Variants in BRSK1 observed in about 807,000 individuals in gnomAD.
BRSK1 encodes the protein serine/threonine-protein kinase BRSK1.
BRSK1 carries 17 observed loss-of-function variants against 86.2 expected under a neutral mutation model. The observed-to-expected ratio is 0.20, with a 90% confidence interval of 0.14 to 0.30. The LOEUF (loss-of-function observed/expected upper bound fraction) is 0.30. Among genes scored for constraint, BRSK1 ranks in the 10% least tolerant of loss-of-function variants. BRSK1 has a pLI of 1.00. For missense variants in BRSK1, 719 were observed against 1,071.9 expected (o/e 0.67, Z 4.60); for synonymous variants, 464 against 440.1 (o/e 1.05, Z -0.68).
intron 7 of BRSK1, among the ~76,000 whole-genome samples, chr19:55,298,227 T>C (rs1381480971): frequency 6.9e-6 from 1 of 144,582 alleles, no homozygotes; most frequent in Non-Finnish European, 1.5e-5. Context: ...TTTTTTTTTT[T>C]TTTTTTTTGA....
chr19:55,309,071 T>C (rs2088723058), intron 18 of BRSK1, among the ~76,000 whole-genome samples: 1 of 151,898 alleles, frequency 6.6e-6, no homozygotes, highest in African/African-American at 2.4e-5. Context: ...TCAGGGAACA[T>C]CCTGCCAACA....
In BRSK1 at chr19:55,304,705, C is replaced by A; in HGVS notation, c.1502C>A (p.Pro501His). 6.7e-7 allele frequency: 1 copy of A among 1,496,392 alleles called. No homozygotes were observed. The highest frequency in any genetic ancestry group is 8.9e-7 in the Non-Finnish European group (1 of 1,129,486). The allele number at this position is 1,496,392 out of a possible 1,614,324, so 92.7% of individuals were successfully genotyped here. A position where few individuals can be genotyped will look rare whatever the true frequency, so the allele number is the denominator to read the frequency against. ...QPPPPSARST[P>H]LPGPPGSPRS... ...CCGCCCCCCAGTGCCCGCTCCACACCCCTGCCCGGCCCCCCAGGCTCCCCG... is the reference window on the plus strand; with the variant it reads ...CCGCCCCCCAGTGCCCGCTCCACACACCTGCCCGGCCCCCCAGGCTCCCCG... The change falls in exon 14 of 19, where the codon CCC (proline) becomes CAC (histidine). Residue 501 changes from proline (P) to histidine (H), a missense_variant. Transcript: ENST00000309383. The surrounding 1 kb of genome is among the most constrained non-coding windows in gnomAD (Gnocchi z 5.2).
intron 17 of BRSK1, among the ~76,000 whole-genome samples, chr19:55,307,761 CA>C: frequency 1.5e-5 from 2 of 137,592 alleles, no homozygotes; most frequent in Non-Finnish European, 3.1e-5. Flanking sequence ...CACACACACA[CA>C]CACACACACA....
At position 55,306,363 on chromosome 19, in the gene BRSK1, A is replaced by G. The variant is rs1197783226; in HGVS notation, c.2002A>G (p.Ser668Gly). 1 of 1,614,016 alleles carries G rather than the reference A, an allele frequency of 6.2e-7. No homozygotes were observed. Among genetic ancestry groups the G allele is most frequent in the Admixed American group, 1.7e-5 (1 of 60,020 alleles). Residue 668 changes from serine to glycine, a missense_variant, in exon 17 of 19, where the codon AGC becomes GGC. By Grantham distance (56) the Ser-to-Gly change is moderately conservative. This residue lies in a region of BRSK1 where 180 missense variants were observed against 259.4 expected (regional missense o/e 0.69). Coordinates refer to ENST00000309383, the MANE Select transcript of BRSK1 (RefSeq NM_032430.2). The surrounding 1 kb of genome is among the most constrained non-coding windows in gnomAD (Gnocchi z 4.7). ...GCCCGTCCGCTTCCAGGTGGACATC[A>G]GCTCCTCTGAGGGTCCAGAGCCCTC... Reference protein sequence around the residue: ...QKPVRFQVDISSSEGPEPSPR... With the variant: ...QKPVRFQVDIGSSEGPEPSPR...
Position 55,302,265 on chromosome 19 carries a change from C to G in BRSK1, c.857+97C>G, listed in dbSNP as rs2088582729. ...TGGGAGGGGTGGGATGCCAGGGTTC[C>G]TGAGAGGCAACGGGCTAGGGACTCG... On this transcript the variant is annotated intron_variant, in intron 9 of 18. Coordinates refer to ENST00000309383, the MANE Select transcript of BRSK1 (RefSeq NM_032430.2). The surrounding 1 kb of genome is among the most constrained non-coding windows in gnomAD (Gnocchi z 6.3). 14 of 1,426,222 alleles carry G rather than the reference C, an allele frequency of 9.8e-6. No homozygotes were observed. Among genetic ancestry groups the G allele is most frequent in the Non-Finnish European group, 1.4e-5 (14 of 1,010,016 alleles). The allele number at this position is 1,426,222 out of a possible 1,614,324, so 88.3% of individuals were successfully genotyped here. A position where few individuals can be genotyped will look rare whatever the true frequency, so the allele number is the denominator to read the frequency against.
Position 55,303,066 on chromosome 19 carries a change from A to T in BRSK1, c.1028+199A>T. The T allele has an allele frequency of 1.5e-6, 1 of 671,564 alleles. No individual in the cohort carries two copies. The allele number at this position is 671,564 out of a possible 1,614,324, so 41.6% of individuals were successfully genotyped here. ...AAAGTATTAATAGATGCTGCGACAT[A>T]GTACTTACATATACATAGTACTTAC... is the stretch of plus-strand genomic sequence containing the variant. On this transcript the variant is annotated intron_variant, in intron 10 of 18. Transcript: ENST00000309383. The surrounding 1 kb of genome is among the most constrained non-coding windows in gnomAD (Gnocchi z 5.1).
In BRSK1 at chr19:55,284,158, A is replaced by G; in HGVS notation, c.-285A>G. The stretch of plus-strand genomic sequence containing the variant: ...AGACCCCCCCGGCGGGGGGAGGCGC[A>G]GGAAGCGGGGGGCCGGCCAGAAACG... On this transcript the variant is annotated 5_prime_UTR_variant, in exon 1 of 19. Transcript: ENST00000309383. The G allele has an allele frequency of 1.0e-6, 1 of 958,760 alleles. No individual in the cohort carries two copies. Among genetic ancestry groups the G allele is most frequent in the Non-Finnish European group, 1.3e-6 (1 of 749,958 alleles). 59.4% of individuals were successfully genotyped at this position (958,760 alleles called of 1,614,324 possible).
rs1029573580 is a variant in BRSK1, at chr19:55,302,310, A to G, written c.857+142A>G. ...GACTCGGACTTATGGGTCCTGGGGG[A>G]AGAGGACACAGCTAGAGAAGGAGTC... On this transcript the variant is annotated intron_variant, in intron 9 of 18. Coordinates refer to ENST00000309383, the MANE Select transcript of BRSK1 (RefSeq NM_032430.2). The surrounding 1 kb of genome is among the most constrained non-coding windows in gnomAD (Gnocchi z 6.3). 2.1e-6 allele frequency: 2 copies of G among 952,204 alleles called. No individual in the cohort carries two copies. The highest frequency in any genetic ancestry group is 3.4e-6 in the Non-Finnish European group (2 of 586,372). The allele number at this position is 952,204 out of a possible 1,614,324, so 59.0% of individuals were successfully genotyped here.
chr19:55,305,581 C>T lies in BRSK1; in HGVS notation c.1885C>T (p.Leu629=), dbSNP rs2088637937. 1 of 1,614,006 alleles carries T rather than the reference C, an allele frequency of 6.2e-7. No individual in the cohort carries two copies. Among genetic ancestry groups the T allele is most frequent in the Non-Finnish European group, 8.5e-7 (1 of 1,180,028 alleles). ...SIKADIVHAF[L]SIPSLSHSVL... is the part of the protein sequence containing the mutation. The stretch of plus-strand genomic sequence containing the variant: ...CAAAGCAGACATCGTCCATGCCTTT[C>T]TGTCGGTGAGGGGCCTGGGTCCCCA... The change falls in exon 16 of 19, where the codon CTG becomes TTG. Residue 629 remains leucine, a synonymous_variant. Transcript: ENST00000309383.
intron 1 of BRSK1, among the ~76,000 whole-genome samples, chr19:55,284,926 C>T (rs1481469923): frequency 3.0e-5 from 4 of 133,836 alleles, no homozygotes; most frequent in Non-Finnish European, 4.7e-5. Flanking sequence ...GGAGGAGGGG[C>T]TGTGCTTGGA....
At chr19:55,299,227 A>T (rs2122966616) in intron 7 of BRSK1, among the ~76,000 whole-genome samples, 1 of 152,306 alleles carries the variant, frequency 6.6e-6, no homozygotes, top group South Asian at 2.1e-4. Context: ...CAAAAATGTG[A>T]CGAGAGGGTC....
chr19:55,295,135 T>G (rs2088466914), intron 7 of BRSK1, among the ~76,000 whole-genome samples: 1 of 149,744 alleles, frequency 6.7e-6, no homozygotes, highest in African/African-American at 2.5e-5. Context: ...TTTATTTTTA[T>G]TTTTTGAGAG....
intron 7 of BRSK1, among the ~76,000 whole-genome samples, chr19:55,299,692 TATA>T (rs1402638198): frequency 2.6e-5 from 4 of 152,090 alleles, no homozygotes; most frequent in African/African-American, 7.2e-5. Flanking sequence ...AGCCTGTTGT[TATA>T]ATATTTAATC....
Position 55,303,116 on chromosome 19 carries a change from G to C in BRSK1, c.1029-195G>C, listed in dbSNP as rs1012613174. The C allele has an allele frequency of 1.3e-5, 8 of 629,732 alleles. No homozygotes were observed. The highest frequency in any genetic ancestry group is 2.2e-5 in the Non-Finnish European group (8 of 364,062). The allele number at this position is 629,732 out of a possible 1,614,324, so 39.0% of individuals were successfully genotyped here. ...CAAATAGTTCTTGCCTGGATGTTAG[G>C]TGTTACAGTGTTATTATAATTGAGT... is the stretch of plus-strand genomic sequence containing the variant. On this transcript the variant is annotated intron_variant, in intron 10 of 18. Transcript: ENST00000309383. The surrounding 1 kb of genome is among the most constrained non-coding windows in gnomAD (Gnocchi z 5.1).
chr19:55,301,544 C>A lies in BRSK1; in HGVS notation c.711C>A (p.Arg237=), dbSNP rs1267605007. ...TGCCCTTTGATGACGACAACCTCCG[C>A]CAGCTGCTGGAGAAGGTGAAACGGG... ...GALPFDDDNL[R]QLLEKVKRGV... is the part of the protein sequence containing the mutation. The change falls in exon 8 of 19, where the codon CGC becomes CGA. Residue 237 remains arginine, a synonymous_variant. Coordinates refer to ENST00000309383, the MANE Select transcript of BRSK1 (RefSeq NM_032430.2). The A allele has an allele frequency of 6.2e-7, 1 of 1,613,966 alleles. No individual in the cohort carries two copies. The highest frequency in any genetic ancestry group is 1.7e-5 in the Admixed American group (1 of 59,984).
Position 55,294,253 on chromosome 19 carries a change from T to C in BRSK1, c.609+6T>C. On this transcript the variant is annotated splice_donor_region_variant and intron_variant, in intron 6 of 18. Transcript: ENST00000309383. The surrounding 1 kb of genome is among the most constrained non-coding windows in gnomAD (Gnocchi z 4.9). Reference sequence around the variant, plus strand: ...CGTGTCCAGAGGTGATTAAGGTGAGTGAGGGGCGGATAGAGGGGAGAGGGG... The same window carrying C: ...CGTGTCCAGAGGTGATTAAGGTGAGCGAGGGGCGGATAGAGGGGAGAGGGG... 2 of 1,613,466 alleles carry C rather than the reference T, an allele frequency of 1.2e-6. No homozygotes were observed. The highest frequency in any genetic ancestry group is 1.7e-6 in the Non-Finnish European group (2 of 1,179,884).
At position 55,304,196 on chromosome 19, in the gene BRSK1, TG is replaced by T. The variant is rs937782952; in HGVS notation, c.1347+87del. ...ATTGAGTAGCAGAAACTACAATTCC[TG>T]TGCAGTCTTGAGACTTGCTTCTTTG... On this transcript the variant is annotated intron_variant, in intron 13 of 18. Transcript: ENST00000309383. This position sits in a 1 kb window ranked among gnomAD's most constrained non-coding sequence, Gnocchi z 5.2. 8.1e-6 allele frequency: 11 copies of T among 1,350,872 alleles called. No homozygotes were observed. In the African/African-American group the frequency reaches 1.6e-4, roughly 20 times the overall value. 83.7% of individuals were successfully genotyped at this position (1,350,872 alleles called of 1,614,324 possible).
intron 18 of BRSK1, among the ~76,000 whole-genome samples, chr19:55,311,597 C>A (rs1458088890): frequency 6.6e-6 from 1 of 152,216 alleles, no homozygotes; most frequent in Non-Finnish European, 1.5e-5. Context: ...CGAACAGTAT[C>A]ATAACCAGAA....
intron 17 of BRSK1, among the ~76,000 whole-genome samples, chr19:55,307,567 G>A (rs1455701109): frequency 1.2e-4 from 11 of 93,502 alleles, no homozygotes; most frequent in South Asian, 7.4e-4. Flanking sequence ...AAAAAAAAAA[G>A]GCTAATATGC....
Sources: gnomAD v4.1 joint callset for allele counts (sites outside exome capture counted in the v4.1 genomes callset) on GRCh38, gnomAD v4.1.1 for gene constraint, gnomAD v4.1.1 regional missense constraint, Gnocchi (gnomAD v3.1) non-coding constraint, MANE v1.5 for transcripts, NCBI Gene and HGNC (gene_info 2026-07-23, HGNC 2026-07-21) for gene names.